The following DSCAM variants were observed in gnomAD, a reference collection of about 807,000 sequenced individuals.
DSCAM encodes the protein cell adhesion molecule DSCAM.
A neutral mutation model predicts 217.7 loss-of-function variants in DSCAM; 47 were observed. That is an observed-to-expected ratio of 0.22 (90% CI 0.17 to 0.28). The LOEUF (loss-of-function observed/expected upper bound fraction) is 0.28. DSCAM is among the 10% of genes least tolerant of loss of function. DSCAM has a pLI of 1.00. For synonymous variants in DSCAM, 1,056 were observed against 1,015.3 expected (o/e 1.04, Z -0.76); for missense variants, 2,080 against 2,618.3 (o/e 0.79, Z 4.49).
chr21:40,771,662 C>T (rs1478803067), intron 1 of DSCAM, among the ~76,000 whole-genome samples: 2 of 152,140 alleles, frequency 1.3e-5, no homozygotes. Flanking sequence ...CAAGAGCCAG[C>T]GAAAGGAAGT....
At chr21:40,036,700 A>G (rs1197332061) in intron 32 of DSCAM, among the ~76,000 whole-genome samples, 4 of 146,086 alleles carry the variant, frequency 2.7e-5, no homozygotes, top group Admixed American at 6.8e-5. Flanking sequence ...AAAGCCAGGC[A>G]GAGACACAAC....
At chr21:40,361,456 TAA>T (rs2123676038) in intron 4 of DSCAM, among the ~76,000 whole-genome samples, 1 of 152,068 alleles carries the variant, frequency 6.6e-6, no homozygotes, top group African/African-American at 2.4e-5. Flanking sequence ...CTGTCTCTAC[TAA>T]AACACAAAAA....
intron 3 of DSCAM, among the ~76,000 whole-genome samples, chr21:40,424,375 A>T (rs1255293495): frequency 1.3e-5 from 2 of 152,198 alleles, no homozygotes; most frequent in African/African-American, 4.8e-5. Flanking sequence ...GGAGACAGAC[A>T]CTGACACCCA....
chr21:40,669,590 AT>A (rs34792774), intron 3 of DSCAM, among the ~76,000 whole-genome samples: 194 of 5,240 alleles, frequency 0.037, no homozygotes, highest in African/African-American at 0.051. Flanking sequence ...TGTTATATAT[AT>A]TTTTTTTTTT....
At chr21:40,717,971 G>T (rs943325320) in intron 1 of DSCAM, among the ~76,000 whole-genome samples, 1 of 152,180 alleles carries the variant, frequency 6.6e-6, no homozygotes, top group Non-Finnish European at 1.5e-5. Flanking sequence ...GTCTAGGCCA[G>T]CTGGGCATTG....
At chr21:40,117,663 A>G (rs915483463) in intron 20 of DSCAM, among the ~76,000 whole-genome samples, 4 of 152,220 alleles carry the variant, frequency 2.6e-5, no homozygotes, top group African/African-American at 9.6e-5. Context: ...ATAGAAAAAA[A>G]GTCAAATGGA....
At chr21:40,305,389 C>CAAAAAAA (rs58738453) in intron 9 of DSCAM, among the ~76,000 whole-genome samples, 20 of 68,546 alleles carry the variant, frequency 2.9e-4, no homozygotes, top group African/African-American at 8.3e-4. Flanking sequence ...GATCCCGTCT[C>CAAAAAAA]AAAAAAAAAA....
Position 40,200,387 on chromosome 21 carries a change from G to A in DSCAM, c.2357-11149C>T, listed in dbSNP as rs114536848. ...TGACTTCTCTGGGGACCTCCTATAA[G>A]AAGAATCATACAGTATTTGTCTTTT... On this transcript the variant is annotated intron_variant, in intron 11 of 32. Coordinates refer to ENST00000400454, the MANE Select transcript of DSCAM (RefSeq NM_001389.5). Among the ~76,000 whole-genome samples, 955 of 152,284 alleles carry A rather than the reference G, an allele frequency of 6.3e-3. 15 individuals are homozygous for A. The highest frequency in any genetic ancestry group is 0.022 in the African/African-American group (924 of 41,576).
chr21:40,557,300 T>A (rs968163044), intron 3 of DSCAM, among the ~76,000 whole-genome samples: 3 of 152,146 alleles, frequency 2.0e-5, no homozygotes, highest in Non-Finnish European at 2.9e-5. Flanking sequence ...CGGGAATTAA[T>A]TCCTGAGAGA....
At chr21:40,407,934 G>A (rs1416745586) in intron 3 of DSCAM, among the ~76,000 whole-genome samples, 3 of 152,220 alleles carry the variant, frequency 2.0e-5, no homozygotes, top group African/African-American at 7.2e-5. Context: ...ACCAGATCCA[G>A]AGGAATATCT....
chr21:40,160,083 A>G (rs571528045), intron 16 of DSCAM, among the ~76,000 whole-genome samples: 1 of 152,310 alleles, frequency 6.6e-6, no homozygotes, highest in Admixed American at 6.5e-5. Flanking sequence ...TATGGATTCC[A>G]GAGTGGGCCC....
At chr21:40,780,413 G>GTATATATATA (rs1196794146) in intron 1 of DSCAM, among the ~76,000 whole-genome samples, 28 of 45,094 alleles carry the variant, frequency 6.2e-4, no homozygotes, top group Non-Finnish European at 8.5e-4. Context: ...GTGTGTGTGT[G>GTATATATATA]TGTGTGTGTG....
intron 1 of DSCAM, among the ~76,000 whole-genome samples, chr21:40,781,992 CAAAAAAAAAAA>C (rs57750960): frequency 9.4e-5 from 10 of 106,400 alleles, no homozygotes; most frequent in Admixed American, 4.6e-4. Flanking sequence ...ACTAAAAATA[CAAAAAAAAAAA>C]AAAAAAAGAA....
intron 4 of DSCAM, among the ~76,000 whole-genome samples, chr21:40,368,235 A>C (rs927508671): frequency 1.2e-4 from 19 of 152,142 alleles, no homozygotes; most frequent in African/African-American, 4.6e-4. Flanking sequence ...CACAAAGAGG[A>C]CGTTTTCTAG....
intron 11 of DSCAM, among the ~76,000 whole-genome samples, chr21:40,212,781 A>C (rs915742183): frequency 6.6e-6 from 1 of 152,192 alleles, no homozygotes; most frequent in African/African-American, 2.4e-5. Context: ...TGCAGAGTTA[A>C]AGAAAGTAAG....
chr21:40,742,889 T>C (rs934354052), intron 1 of DSCAM, among the ~76,000 whole-genome samples: 6 of 152,230 alleles, frequency 3.9e-5, no homozygotes, highest in Non-Finnish European at 5.9e-5. Flanking sequence ...TCATTATTTT[T>C]ATTTTAAAGA....
chr21:40,616,151 G>A (rs1324643120), intron 3 of DSCAM, among the ~76,000 whole-genome samples: 1 of 152,182 alleles, frequency 6.6e-6, no homozygotes, highest in Non-Finnish European at 1.5e-5. Context: ...TTCACTGAAA[G>A]GTTACTGAAG....
intron 12 of DSCAM, 49 bp from the exon 13 acceptor site, chr21:40,188,036 CTT>C (rs775301574): frequency 2.5e-4 from 375 of 1,472,960 alleles, no homozygotes; most frequent in Non-Finnish European, 3.3e-4. Flanking sequence ...GGCAAAATGA[CTT>C]TGAGCCGTAA....
chr21:40,795,530 G>T (rs79174913), intron 1 of DSCAM, among the ~76,000 whole-genome samples: 1 of 152,124 alleles, frequency 6.6e-6, no homozygotes, highest in Non-Finnish European at 1.5e-5. Context: ...GAATGAGGGC[G>T]TCTATGAAGA....
Sources: allele counts gnomAD v4.1 joint callset (sites outside exome capture counted in the v4.1 genomes callset), GRCh38; gene constraint gnomAD v4.1.1; transcripts MANE v1.5; gene names NCBI Gene and HGNC (gene_info 2026-07-23, HGNC 2026-07-21).